The following STK32A variants were observed in gnomAD, a reference collection of about 807,000 sequenced individuals.
STK32A encodes serine/threonine kinase 32A, also known as serine/threonine-protein kinase 32A.
Under a neutral mutation model 53.2 loss-of-function variants are expected in STK32A, and 41 were observed. The ratio of observed to expected loss-of-function variants is 0.77; its 90% confidence interval spans 0.60 to 1.00. The LOEUF is 1.00. STK32A is among the 50% of genes least tolerant of loss of function. The pLI is 0.00. For missense variants in STK32A, 458 were observed against 485.8 expected (o/e 0.94, Z 0.54); for synonymous variants, 166 against 162.8 (o/e 1.02, Z -0.15).
At chr5:147,262,716 A>C (rs1754637541) in intron 2 of STK32A, among the ~76,000 whole-genome samples, 1 of 152,208 alleles carries the variant, frequency 6.6e-6, no homozygotes, top group Non-Finnish European at 1.5e-5. Flanking sequence ...TTAAGATTTA[A>C]ACCCACAAGG....
chr5:147,373,343 C>G (rs1297919685), intron 10 of STK32A, 49 bp downstream of exon 10: 2 of 1,603,346 alleles, frequency 1.2e-6, no homozygotes, highest in South Asian at 2.2e-5. Context: ...GTGCGCATTA[C>G]CCGGTGTGCC....
At chr5:147,396,859 A>ATG in the STK32A span, among the ~76,000 whole-genome samples, 16 of 113,858 alleles carry the variant, frequency 1.4e-4, no homozygotes, top group South Asian at 8.8e-4. Context: ...ATATCTGTAT[A>ATG]TGTGTGTATA....
At chr5:147,340,567 T>G (rs1755356021) in intron 5 of STK32A, among the ~76,000 whole-genome samples, 1 of 152,194 alleles carries the variant, frequency 6.6e-6, no homozygotes, top group African/African-American at 2.4e-5. Context: ...TCTCTCCTGG[T>G]ATGTGAATAA....
downstream of STK32A, among the ~76,000 whole-genome samples, chr5:147,389,223 A>G (rs1003680394): frequency 2.6e-5 from 4 of 152,122 alleles, no homozygotes; most frequent in African/African-American, 7.2e-5. Flanking sequence ...ACCCGTCCCA[A>G]CTTCCACATC....
intron 1 of STK32A, among the ~76,000 whole-genome samples, chr5:147,236,416 G>T (rs1174551535): frequency 6.6e-6 from 1 of 152,098 alleles, no homozygotes; most frequent in African/African-American, 2.4e-5. Context: ...TGGAGATCAG[G>T]AAGGGCTGGG....
intron 2 of STK32A, among the ~76,000 whole-genome samples, chr5:147,272,826 A>T (rs1755097958): frequency 6.6e-6 from 1 of 152,206 alleles, no homozygotes; most frequent in African/African-American, 2.4e-5. Flanking sequence ...CATTTTACAG[A>T]CAGAGACATT....
rs567034644 is a variant in STK32A, at chr5:147,241,352, G to A, written c.52+1666G>A. On this transcript the variant is annotated intron_variant, in intron 2 of 12. Transcript: ENST00000397936. ...AAATTAGCCGGGCGTGGTGGTGGAC[G>A]CCTGTAGTCCCAGCTACTCGGGAGG... 1.8e-3 allele frequency among the ~76,000 whole-genome samples: 269 copies of A among 152,238 alleles called. 1 individual carries two copies. The highest frequency in any genetic ancestry group is 6.3e-3 in the African/African-American group (260 of 41,542).
At chr5:147,287,502 T>G (rs1015968174) in intron 4 of STK32A, among the ~76,000 whole-genome samples, 1 of 152,182 alleles carries the variant, frequency 6.6e-6, no homozygotes, top group Admixed American at 6.5e-5. Context: ...CTTTAATTAT[T>G]ACAGTTCATT....
chr5:147,378,907 G>A (rs1213211677), intron 11 of STK32A, among the ~76,000 whole-genome samples: 1 of 78,160 alleles, frequency 1.3e-5, no homozygotes, highest in East Asian at 5.3e-4. Flanking sequence ...GACTATTCAA[G>A]CCCTTATTTG....
downstream of STK32A, chr5:147,387,974 A>G (rs1348067381): frequency 9.2e-5 from 14 of 152,136 alleles, no homozygotes. Context: ...TCCTATTGTG[A>G]GGAATGTCCC....
chr5:147,238,063 A>G (rs1355245693), intron 1 of STK32A, among the ~76,000 whole-genome samples: 1 of 152,240 alleles, frequency 6.6e-6, no homozygotes, highest in Non-Finnish European at 1.5e-5. Flanking sequence ...CAATTACCTT[A>G]TATACATTGT....
At chr5:147,272,170 T>C (rs9325037) in intron 2 of STK32A, among the ~76,000 whole-genome samples, 89,443 of 151,768 alleles carry the variant, frequency 0.59, 26,711 homozygotes, top group African/African-American at 0.67. Context: ...GCAGGTTCCC[T>C]GACACAAGGG....
Position 147,375,162 on chromosome 5 carries a change from A to C in STK32A, c.976A>C (p.Lys326Gln), listed in dbSNP as rs1473959442. The C allele has an allele frequency of 6.2e-7, 1 of 1,608,516 alleles. No homozygotes were observed. ...MILESKPLHK[K>Q]KKRLAKKEKD... ...TTTGGAGTCCAAACCTCTACATAAG[A>C]AAAAAAAGCGTCTGGCAAAGAAGGA... The change falls in exon 11 of 13, where the codon AAA becomes CAA. Residue 326 changes from lysine (K) to glutamine (Q), a missense_variant. By Grantham distance (53) the Lys-to-Gln change is moderately conservative (BLOSUM62 1). Coordinates refer to ENST00000397936, the MANE Select transcript of STK32A (RefSeq NM_001112724.2).
chr5:147,313,395 G>A (rs1753801422), intron 4 of STK32A, among the ~76,000 whole-genome samples: 2 of 152,294 alleles, frequency 1.3e-5, no homozygotes, highest in South Asian at 4.1e-4. Context: ...TTGCAGCACT[G>A]CACACTTGAG....
rs569773430 is a variant in STK32A at position 147,249,892 on chromosome 5, G to A, written c.52+10206G>A. Among the ~76,000 whole-genome samples, 454 of 108,442 alleles carry A rather than the reference G, an allele frequency of 4.2e-3. 3 individuals are homozygous for A. The highest frequency in any genetic ancestry group is 0.01 in the Middle Eastern group (1 of 100). 71.1% of individuals were successfully genotyped at this position (108,442 alleles called of 152,430 possible). On this transcript the variant is annotated intron_variant, in intron 2 of 12. Transcript: ENST00000397936. ...CTACTGCACTCCAGCCTGGGCAACA[G>A]AGTAAGCCTCTGTCTCAAAAAAAAA...
chr5:147,355,359 AG>A (rs1181235094), intron 7 of STK32A, among the ~76,000 whole-genome samples: 1 of 152,112 alleles, frequency 6.6e-6, no homozygotes, highest in Non-Finnish European at 1.5e-5. Flanking sequence ...AATATAATCC[AG>A]ATTACTTAGA....
At chr5:147,304,736 G>A (rs1456266005) in intron 4 of STK32A, among the ~76,000 whole-genome samples, 1 of 152,178 alleles carries the variant, frequency 6.6e-6, no homozygotes, top group Non-Finnish European at 1.5e-5. Flanking sequence ...GAATCTTCCA[G>A]AGAGAAAAGT....
intron 7 of STK32A, among the ~76,000 whole-genome samples, chr5:147,357,202 T>C (rs1756287161): frequency 6.6e-6 from 1 of 152,160 alleles, no homozygotes; most frequent in South Asian, 2.1e-4. Flanking sequence ...CCTTTACATG[T>C]TAATAGATTT....
intron 2 of STK32A, among the ~76,000 whole-genome samples, chr5:147,249,856 T>G (rs1318192938): frequency 7.7e-6 from 1 of 130,064 alleles, no homozygotes; most frequent in East Asian, 2.2e-4. Context: ...GAGGATTCAG[T>G]GAGCCGAGAT....
Sources: gnomAD v4.1 joint callset for allele counts (sites outside exome capture counted in the v4.1 genomes callset) on GRCh38, gnomAD v4.1.1 for gene constraint, MANE v1.5 for transcripts, NCBI Gene and HGNC (gene_info 2026-07-23, HGNC 2026-07-21) for gene names.